The following ATP2B2 variants were observed in gnomAD, a reference collection of about 807,000 sequenced individuals.
The protein encoded by ATP2B2 is plasma membrane calcium-transporting ATPase 2.
Under a neutral mutation model 120.0 loss-of-function variants are expected in ATP2B2, and 15 were observed. The ratio of observed to expected loss-of-function variants is 0.12; its 90% confidence interval spans 0.08 to 0.19. ATP2B2 has a LOEUF of 0.19. Ranked by LOEUF, ATP2B2 falls within the 10% of genes least tolerant of loss-of-function variation. The pLI is 1.00. For missense variants in ATP2B2, 1,045 were observed against 1,719.8 expected (o/e 0.61, Z 6.94); for synonymous variants, 694 against 700.3 (o/e 0.99, Z 0.14).
chr3:10,686,426 G>A (rs545317339), intron 1 of ATP2B2, among the ~76,000 whole-genome samples: 11 of 152,230 alleles, frequency 7.2e-5, no homozygotes, highest in East Asian at 1.9e-4. Flanking sequence ...AGGCCGAGGC[G>A]GGCGGATTGC....
At chr3:10,585,143 C>T (rs1559471686) in intron 2 of ATP2B2, among the ~76,000 whole-genome samples, 1 of 152,110 alleles carries the variant, frequency 6.6e-6, no homozygotes, top group Non-Finnish European at 1.5e-5. Context: ...TGGATCATTC[C>T]AAAGCACAGG....
chr3:10,613,569 T>A (rs1215662204), intron 2 of ATP2B2, among the ~76,000 whole-genome samples: 1 of 152,098 alleles, frequency 6.6e-6, no homozygotes, highest in East Asian at 1.9e-4. Context: ...CCATCACCTT[T>A]GATTCTTCTT....
chr3:10,469,488 A>G (rs2064891130), intron 1 of ATP2B2, among the ~76,000 whole-genome samples: 1 of 152,222 alleles, frequency 6.6e-6, no homozygotes, highest in African/African-American at 2.4e-5. Context: ...ATGATTTGTT[A>G]AGCGTGGCTC....
chr3:10,636,880 T>A (rs537199016), intron 1 of ATP2B2, among the ~76,000 whole-genome samples: 1 of 152,152 alleles, frequency 6.6e-6, no homozygotes, highest in African/African-American at 2.4e-5. Flanking sequence ...GGGTCACTCT[T>A]GAGTATTCAG....
intron 2 of ATP2B2, among the ~76,000 whole-genome samples, chr3:10,592,887 A>G (rs1487206025): frequency 6.6e-6 from 1 of 152,128 alleles, no homozygotes; most frequent in Non-Finnish European, 1.5e-5. Flanking sequence ...GGCTCAATCA[A>G]TCCTCCCACC....
intron 1 of ATP2B2, among the ~76,000 whole-genome samples, chr3:10,468,208 T>G (rs1048302680): frequency 1.3e-5 from 2 of 152,200 alleles, no homozygotes; most frequent in South Asian, 2.1e-4. Flanking sequence ...GAGGATGCTT[T>G]CAGGGTACCC....
Position 10,606,951 on chromosome 3 carries a change from GGGGA to G in ATP2B2, c.-415+12962_-415+12965del, listed in dbSNP as rs1164241123. Among the ~76,000 whole-genome samples the G allele has an allele frequency of 1.8e-3, 114 of 64,230 alleles. 2 individuals are homozygous for G. Among genetic ancestry groups the G allele is most frequent in the East Asian group, 4.7e-3 (3 of 634 alleles). 42.1% of individuals were successfully genotyped at this position (64,230 alleles called of 152,430 possible). Reference sequence around the variant, plus strand: ...GAGAGAGAGAGAGGGAGAGGGAGAGGGGGAGGGGGGGAGAGAGAGAGAGAGAGAA... The same window carrying G: ...GAGAGAGAGAGAGGGAGAGGGAGAGGGGGGGGGAGAGAGAGAGAGAGAGAA... On this transcript the variant is annotated intron_variant, in intron 2 of 21. Transcript: ENST00000646379.
chr3:10,487,785 C>A (rs1273273793), intron 1 of ATP2B2, among the ~76,000 whole-genome samples: 1 of 152,234 alleles, frequency 6.6e-6, no homozygotes, highest in Non-Finnish European at 1.5e-5. Flanking sequence ...AAGCCACTAT[C>A]TGAAAGTGCC....
chr3:10,369,717 C>T (rs1230598989), intron 12 of ATP2B2, among the ~76,000 whole-genome samples: 1 of 152,212 alleles, frequency 6.6e-6, no homozygotes, highest in Non-Finnish European at 1.5e-5. Flanking sequence ...GATTCTCCCC[C>T]TCCCCTAGGA....
At chr3:10,661,937 A>G (rs1271649647) in intron 1 of ATP2B2, among the ~76,000 whole-genome samples, 1 of 152,220 alleles carries the variant, frequency 6.6e-6, no homozygotes, top group Non-Finnish European at 1.5e-5. Context: ...GCTCTCAGAA[A>G]TAATACCACA....
At chr3:10,678,773 A>G (rs1049220746) in intron 1 of ATP2B2, among the ~76,000 whole-genome samples, 2 of 152,288 alleles carry the variant, frequency 1.3e-5, no homozygotes, top group Admixed American at 1.3e-4. Flanking sequence ...TGGTAGGTAG[A>G]ATTCTAAATC....
Position 10,352,420 on chromosome 3 carries a change from C to T in ATP2B2, c.2137-1843G>A, listed in dbSNP as rs530137559. On this transcript the variant is annotated intron_variant, in intron 14 of 22. Coordinates refer to ENST00000360273, the MANE Select transcript of ATP2B2 (RefSeq NM_001001331.4). ...AGTTCTGAGCGTGGCTGTCTTGTGG[C>T]GTGAGGAACGGATGCTCTAGAGGGG... Among the ~76,000 whole-genome samples, 19 of 152,326 alleles carry T rather than the reference C, an allele frequency of 1.2e-4. No individual in the cohort carries two copies. The East Asian group carries it at 3.3e-3, about 26-fold the overall frequency.
chr3:10,444,405 T>C (rs1357707138), intron 2 of ATP2B2, among the ~76,000 whole-genome samples: 1 of 152,216 alleles, frequency 6.6e-6, no homozygotes, highest in African/African-American at 2.4e-5. Flanking sequence ...GGCAGCCCCA[T>C]GGACGTTCTC....
chr3:10,488,507 GTTCCTTCCTTCC>G (rs142106223), intron 1 of ATP2B2, among the ~76,000 whole-genome samples: 1 of 95,176 alleles, frequency 1.1e-5, no homozygotes, highest in Admixed American at 1.2e-4. Flanking sequence ...TCCTTCCTTC[GTTCCTTCCTTCC>G]TTCCTTCCTT....
intron 2 of ATP2B2, among the ~76,000 whole-genome samples, chr3:10,596,791 C>G (rs1424260679): frequency 6.6e-6 from 1 of 152,220 alleles, no homozygotes; most frequent in Non-Finnish European, 1.5e-5. Flanking sequence ...AGCCAGCTGC[C>G]AGCAGCAGCT....
In ATP2B2 at chr3:10,648,212, G is replaced by C. The variant is rs1575590551; in HGVS notation, c.-459-28251C>G. On this transcript the variant is annotated intron_variant, in intron 1 of 21. Coordinates refer to the ATP2B2 transcript ENST00000646379. ...CCACACATCCGATGGCAGTGGTTCT[G>C]TTCTTAGCTGGATTGACCTCTCACC... Among the ~76,000 whole-genome samples, 3 of 152,302 alleles carry C rather than the reference G, an allele frequency of 2.0e-5. 1 individual carries two copies. The South Asian group carries it at 6.2e-4, about 32-fold the overall frequency.
chr3:10,468,320 G>T (rs1373781366), intron 1 of ATP2B2, among the ~76,000 whole-genome samples: 1 of 152,228 alleles, frequency 6.6e-6, no homozygotes, highest in African/African-American at 2.4e-5. Flanking sequence ...GGCCCAGCGG[G>T]CTGGGTGTGA....
intron 1 of ATP2B2, among the ~76,000 whole-genome samples, chr3:10,678,645 G>C (rs1260805655): frequency 6.6e-6 from 1 of 152,186 alleles, no homozygotes; most frequent in Non-Finnish European, 1.5e-5. Flanking sequence ...GAGAGAGCTT[G>C]TACTCCCAAC....
upstream of ATP2B2, among the ~76,000 whole-genome samples, chr3:10,507,984 C>T (rs548952909): frequency 7.0e-6 from 1 of 142,618 alleles, no homozygotes; most frequent in South Asian, 2.2e-4. Context: ...CGTCCGCTCC[C>T]AAGTCTTGAG....
Sources: allele counts gnomAD v4.1 joint callset (sites outside exome capture counted in the v4.1 genomes callset), GRCh38; gene constraint gnomAD v4.1.1; transcripts MANE v1.5; gene names NCBI Gene and HGNC (gene_info 2026-07-23, HGNC 2026-07-21).